Variants in ANKRD36C observed in about 807,000 individuals in gnomAD.
ANKRD36C encodes the protein ankyrin repeat domain-containing protein 36C.
In ANKRD36C, 61 loss-of-function variants were observed where a neutral mutation model predicts 276.4. The ratio of observed to expected loss-of-function variants is 0.22; its 90% CI spans 0.18 to 0.27. The LOEUF is 0.27. ANKRD36C is among the 10% of genes least tolerant of loss of function. The pLI, the probability that ANKRD36C is intolerant of heterozygous loss-of-function variation, is 1.00. For missense variants in ANKRD36C, 1,447 were observed against 2,032.3 expected (o/e 0.71, Z 5.54); for synonymous variants, 483 against 680.1 (o/e 0.71, Z 4.51).
At chr2:95,891,687 C>A in exon 46 of ANKRD36C, 2 of 1,570,982 alleles carry the variant, frequency 1.3e-6, no homozygotes, top group Admixed American at 1.8e-5. Context: ...TTTCTCCATG[C>A]TTTTTTCCTC....
intron 6 of ANKRD36C, among the ~76,000 whole-genome samples, chr2:95,964,253 T>C (rs988108774): frequency 6.0e-5 from 9 of 150,862 alleles, no homozygotes; most frequent in African/African-American, 1.7e-4. Flanking sequence ...GAAGCACATA[T>C]CATTGATGTG....
At chr2:95,969,197 T>C (rs1678651793) in intron 6 of ANKRD36C, among the ~76,000 whole-genome samples, 2 of 152,142 alleles carry the variant, frequency 1.3e-5, no homozygotes, top group South Asian at 4.1e-4. Context: ...AATCACACCC[T>C]GATCACTCTG....
intron 59 of ANKRD36C, among the ~76,000 whole-genome samples, chr2:95,871,514 A>G (rs2104297078): frequency 6.6e-6 from 1 of 152,322 alleles, no homozygotes; most frequent in East Asian, 1.9e-4. Context: ...CTCCTGAAGG[A>G]AGCACTAAAC....
intron 42 of ANKRD36C, chr2:95,908,502 C>T: frequency 2.6e-6 from 4 of 1,528,584 alleles, no homozygotes; most frequent in South Asian, 2.4e-5. Flanking sequence ...TCAAAATTAC[C>T]TCTCCTAGTT....
chr2:95,983,295 T>C (rs1678957956), intron 3 of ANKRD36C, among the ~76,000 whole-genome samples: 1 of 151,870 alleles, frequency 6.6e-6, no homozygotes, highest in South Asian at 2.1e-4. Context: ...TTTTCTCTAG[T>C]AATATTTTTA....
chr2:95,893,214 T>A (rs927534951), intron 44 of ANKRD36C, among the ~76,000 whole-genome samples: 1 of 151,376 alleles, frequency 6.6e-6, no homozygotes, highest in Non-Finnish European at 1.5e-5. Flanking sequence ...CTTCCTCTCT[T>A]TCTCCTTCCA....
At chr2:95,961,574 C>T (rs566154045) in intron 8 of ANKRD36C, among the ~76,000 whole-genome samples, 9 of 152,102 alleles carry the variant, frequency 5.9e-5, no homozygotes, top group Non-Finnish European at 1.0e-4. Context: ...CATTAAATTG[C>T]TATTTTATCC....
At chr2:95,918,321 G>A (rs531537177) in intron 34 of ANKRD36C, among the ~76,000 whole-genome samples, 1 of 151,782 alleles carries the variant, frequency 6.6e-6, no homozygotes, top group East Asian at 2.0e-4. Flanking sequence ...TGGATATGCC[G>A]AGTGATGAGG....
chr2:95,892,890 G>C (rs1020887188), intron 44 of ANKRD36C, among the ~76,000 whole-genome samples: 9 of 151,116 alleles, frequency 6.0e-5, no homozygotes, highest in Non-Finnish European at 8.9e-5. Flanking sequence ...GAGGAGTAAT[G>C]AGTCAGTGTG....
exon 47 of ANKRD36C, chr2:95,889,974 C>A: frequency 1.2e-6 from 2 of 1,609,828 alleles, no homozygotes; most frequent in South Asian, 1.1e-5. Flanking sequence ...ACCTTCAAGG[C>A]TGGTTGTTTA....
Position 95,919,985 on chromosome 2 carries a change from C to T in ANKRD36C, c.2245+1622G>A, listed in dbSNP as rs1301639966. 4.7e-6 allele frequency: 7 copies of T among 1,483,620 alleles called. No individual in the cohort carries two copies. In the Admixed American group the frequency reaches 9.6e-5, roughly 20 times the overall value. 91.9% of individuals were successfully genotyped at this position (1,483,620 alleles called of 1,614,324 possible). Reference sequence around the variant, plus strand: ...TATGATAAAGTTATCCATACATTCACACAGTGTTAGCATCAAGCTGTATCC... The same window carrying T: ...TATGATAAAGTTATCCATACATTCATACAGTGTTAGCATCAAGCTGTATCC... On this transcript the variant is annotated intron_variant, in intron 34 of 66. Transcript: ENST00000456556.
chr2:95,966,749 T>C (rs1175766643), intron 6 of ANKRD36C, among the ~76,000 whole-genome samples: 1 of 152,168 alleles, frequency 6.6e-6, no homozygotes, highest in Admixed American at 6.6e-5. Flanking sequence ...ACAAATTACT[T>C]TGGGCAGTAT....
In ANKRD36C at chr2:95,867,761, T is replaced by C. The variant is rs1023960941; in HGVS notation, c.3541-180A>G. 2.0e-4 allele frequency among the ~76,000 whole-genome samples: 31 copies of C among 151,640 alleles called. No homozygotes were observed. In the South Asian group the frequency reaches 3.1e-3, roughly 15 times the overall value. On this transcript the variant is annotated intron_variant, in intron 59 of 66. Transcript: ENST00000456556. ...CTAGTTCAGAAGACCACATGGTCTA[T>C]GGATAAATTAGTTTCCCAGTTCCTA...
intron 6 of ANKRD36C, among the ~76,000 whole-genome samples, chr2:95,972,010 C>T (rs1284586986): frequency 6.6e-6 from 1 of 152,132 alleles, no homozygotes; most frequent in Non-Finnish European, 1.5e-5. Flanking sequence ...TGTTATATTA[C>T]CATGTTATTC....
At chr2:95,867,707 T>C (rs1675711925) in intron 59 of ANKRD36C, 126 bp from the exon 80 acceptor site, 3 of 1,423,178 alleles carry the variant, frequency 2.1e-6, no homozygotes, top group Non-Finnish European at 2.8e-6. Context: ...TCTGTACTTT[T>C]TTTTTAAGCA....
At chr2:95,891,778 T>G in intron 45 of ANKRD36C, 41 bp from the exon 66 acceptor site, 1 of 1,505,798 alleles carries the variant, frequency 6.6e-7, no homozygotes, top group Non-Finnish European at 9.1e-7. Context: ...TAATAAAGTA[T>G]GTTTCATAGA....
At chr2:95,927,522 T>A in intron 26 of ANKRD36C, 113 bp from the exon 27 acceptor site, 5 of 1,494,124 alleles carry the variant, frequency 3.3e-6, no homozygotes, top group Non-Finnish European at 4.5e-6. Context: ...TAGTGTAGGC[T>A]TTGATGTTTT....
At chr2:95,863,959 C>T (rs1175817226) in intron 60 of ANKRD36C, among the ~76,000 whole-genome samples, 1 of 151,994 alleles carries the variant, frequency 6.6e-6, no homozygotes, top group Non-Finnish European at 1.5e-5. Context: ...AACCCCAATG[C>T]AAATTATGGG....
intron 44 of ANKRD36C, 108 bp from the exon 65 acceptor site, chr2:95,891,968 T>C (rs921711582): frequency 1.3e-6 from 2 of 1,517,576 alleles, no homozygotes; most frequent in African/African-American, 2.8e-5. Context: ...TGTATTAGCG[T>C]AGGCTTTGAT....
Sources: allele counts gnomAD v4.1 joint callset (sites outside exome capture counted in the v4.1 genomes callset), GRCh38; gene constraint gnomAD v4.1.1; transcripts MANE v1.5; gene names NCBI Gene and HGNC (gene_info 2026-07-23, HGNC 2026-07-21).